The following TAF12 variants were observed in gnomAD, a reference collection of about 807,000 sequenced individuals.
TAF12 encodes transcription initiation factor TFIID subunit 12.
TAF12 carries 3 observed loss-of-function variants against 20.8 expected under a neutral mutation model. The observed-to-expected ratio is 0.14, with a 90% CI of 0.07 to 0.37. The LOEUF (loss-of-function observed/expected upper bound fraction) is 0.37, where lower values mean the gene tolerates loss of function less well. Ranked by LOEUF, TAF12 falls within the 10% of genes least tolerant of loss-of-function variation. TAF12 has a pLI of 1.00. For synonymous variants in TAF12, 69 were observed against 70.2 expected (o/e 0.98, Z 0.09); for missense variants, 131 against 197.9 (o/e 0.66, Z 2.03).
chr1:28,647,268 T>C (rs1490377252), upstream of TAF12, among the ~76,000 whole-genome samples: 1 of 152,134 alleles, frequency 6.6e-6, no homozygotes, highest in Non-Finnish European at 1.5e-5. Context: ...TTTCAATTTC[T>C]TTACAATTGT....
chr1:28,610,917 G>A (rs534037488), intron 4 of TAF12, among the ~76,000 whole-genome samples: 16 of 138,558 alleles, frequency 1.2e-4, no homozygotes, highest in African/African-American at 3.3e-4. Context: ...CCAAGATTGC[G>A]CCACTGCACT....
Position 28,622,038 on chromosome 1 carries a change from A to G in TAF12, c.44T>C (p.Phe15Ser), listed in dbSNP as rs752379232. Reference sequence around the variant, plus strand: ...GGCTGGTTCCGGTTTTATGGATGAGAAATTGGAGAGGTTGATTAGGGCTGA... The same window carrying G: ...GGCTGGTTCCGGTTTTATGGATGAGGAATTGGAGAGGTTGATTAGGGCTGA... ...GPSALINLSNFSSIKPEPAST... is the reference protein window; with the variant it reads ...GPSALINLSNSSSIKPEPAST... The change falls in exon 2 of 6, where the codon TTC becomes TCC. Residue 15 changes from phenylalanine to serine, a missense_variant. Coordinates refer to ENST00000373824, the MANE Select transcript of TAF12 (RefSeq NM_005644.4). 6.2e-7 allele frequency: 1 copy of G among 1,613,942 alleles called. No homozygotes were observed. Among genetic ancestry groups the G allele is most frequent in the South Asian group, 1.1e-5 (1 of 91,066 alleles).
chr1:28,645,521 G>A (rs181732068), upstream of TAF12, among the ~76,000 whole-genome samples: 181 of 151,772 alleles, frequency 1.2e-3, no homozygotes, highest in Admixed American at 3.8e-3. Context: ...GGTGGTGCAC[G>A]CCTGTGACCC....
intron 2 of TAF12, 121 bp downstream of exon 2, chr1:28,621,793 G>A (rs1667228710): frequency 4.9e-6 from 7 of 1,440,370 alleles, no homozygotes; most frequent in Non-Finnish European, 6.5e-6. Context: ...CCAAAAGAGG[G>A]AAAAGACCTT....
chr1:28,621,004 A>G (rs565529977), intron 2 of TAF12, among the ~76,000 whole-genome samples: 169 of 152,224 alleles, frequency 1.1e-3, no homozygotes, highest in African/African-American at 3.6e-3. Context: ...TTAATCCTCT[A>G]TAGGACACAC....
chr1:28,603,497 T>C lies in TAF12; in HGVS notation c.*42A>G. 1 of 1,610,276 alleles carries C rather than the reference T, an allele frequency of 6.2e-7. No homozygotes were observed. Among genetic ancestry groups the C allele is most frequent in the Non-Finnish European group, 8.5e-7 (1 of 1,176,946 alleles). ...GATGGCTGAGTTCTCAGCTCAAGTA[T>C]CTCCAAATACATTGCTGTCCATTCC... is the stretch of plus-strand genomic sequence containing the variant. On this transcript the variant is annotated 3_prime_UTR_variant, in exon 6 of 6. Coordinates refer to ENST00000373824, the MANE Select transcript of TAF12 (RefSeq NM_005644.4).
intron 1 of TAF12, chr1:28,623,881 G>A: frequency 2.4e-6 from 2 of 817,084 alleles, no homozygotes; most frequent in Non-Finnish European, 3.0e-6. Flanking sequence ...ACGTCAGCTT[G>A]GGTGTCATCA....
At chr1:28,609,450 T>C (rs530996519) in intron 4 of TAF12, among the ~76,000 whole-genome samples, 3 of 152,186 alleles carry the variant, frequency 2.0e-5, no homozygotes, top group African/African-American at 4.8e-5. Flanking sequence ...CAAAGCAACA[T>C]TGTGCAAAGC....
chr1:28,647,263 A>G (rs1264734164), upstream of TAF12, among the ~76,000 whole-genome samples: 1 of 152,016 alleles, frequency 6.6e-6, no homozygotes, highest in African/African-American at 2.4e-5. Context: ...TGCTGTTTCA[A>G]TTTCTTTACA....
chr1:28,635,001 C>G (rs1050878354), intron 1 of TAF12, among the ~76,000 whole-genome samples: 11 of 150,912 alleles, frequency 7.3e-5, no homozygotes, highest in Non-Finnish European at 1.0e-4. Context: ...CCGAGGCAGG[C>G]GGATCACGAG....
upstream of TAF12, among the ~76,000 whole-genome samples, chr1:28,647,708 A>G (rs547054731): frequency 6.6e-6 from 1 of 152,194 alleles, no homozygotes; most frequent in African/African-American, 2.4e-5. Flanking sequence ...CCCCGTCTCT[A>G]CTAAAAATAC....
chr1:28,636,774 G>A (rs1012753034), intron 1 of TAF12, among the ~76,000 whole-genome samples: 6 of 151,742 alleles, frequency 4.0e-5, no homozygotes, highest in African/African-American at 9.7e-5. Context: ...GCACTCCAAC[G>A]TGGGTGACAA....
At chr1:28,640,333 TAAG>T (rs1376188319) in intron 1 of TAF12, among the ~76,000 whole-genome samples, 5 of 152,174 alleles carry the variant, frequency 3.3e-5, no homozygotes, top group South Asian at 2.1e-4. Context: ...AGAGGAGCCT[TAAG>T]AAGGAGGAGA....
intron 1 of TAF12, among the ~76,000 whole-genome samples, chr1:28,640,086 G>A (rs188655046): frequency 2.8e-4 from 43 of 152,136 alleles, no homozygotes; most frequent in African/African-American, 8.4e-4. Context: ...CAGGTGACCC[G>A]CCCGCCTTGG....
chr1:28,615,632 T>C (rs1408477396), intron 3 of TAF12, among the ~76,000 whole-genome samples: 1 of 115,798 alleles, frequency 8.6e-6, no homozygotes, highest in Admixed American at 1.3e-4. Flanking sequence ...TGAGCCAAGA[T>C]CATGCCGCTG....
intron 3 of TAF12, among the ~76,000 whole-genome samples, 171 bp downstream of exon 3, chr1:28,617,782 A>G (rs1042862568): frequency 2.6e-5 from 4 of 151,894 alleles, no homozygotes; most frequent in Admixed American, 1.3e-4. Flanking sequence ...TTGCAGAGAC[A>G]AGGTCTCATT....
Position 28,627,003 on chromosome 1 carries a change from A to AT in TAF12, c.-84-4839dup, listed in dbSNP as rs200720092. 2.9e-3 allele frequency among the ~76,000 whole-genome samples: 438 copies of AT among 151,842 alleles called. 2 individuals carry two copies. Among genetic ancestry groups the AT allele is most frequent in the African/African-American group, 8.8e-3 (366 of 41,410 alleles). On this transcript the variant is annotated intron_variant, in intron 1 of 5. Transcript: ENST00000373824. The stretch of plus-strand genomic sequence containing the variant: ...ATGAATATTCACATATCAAATTAGG[A>AT]TTTTTTTTTCTTTTTTTGTTGTTTC...
chr1:28,643,139 G>C (rs917092249), upstream of TAF12: 3 of 984,714 alleles, frequency 3.0e-6, no homozygotes, highest in African/African-American at 5.2e-5. Context: ...TCTTCCGGCC[G>C]GCGGGCGCGC....
intron 1 of TAF12, among the ~76,000 whole-genome samples, chr1:28,634,178 G>A (rs1667736920): frequency 6.6e-6 from 1 of 151,754 alleles, no homozygotes. Flanking sequence ...CACTTTGGGA[G>A]GCTGAAGCAG....
Sources: allele counts gnomAD v4.1 joint callset (sites outside exome capture counted in the v4.1 genomes callset), GRCh38; gene constraint gnomAD v4.1.1; transcripts MANE v1.5; gene names NCBI Gene and HGNC (gene_info 2026-07-23, HGNC 2026-07-21).